The following RIC1 variants were observed in gnomAD, a reference collection of about 807,000 sequenced individuals.
RIC1 encodes the protein guanine nucleotide exchange factor subunit RIC1.
A neutral mutation model predicts 169.0 loss-of-function variants in RIC1; 88 were observed. The ratio of observed to expected loss-of-function variants is 0.52; its 90% CI spans 0.44 to 0.62. RIC1 has a LOEUF of 0.62. Among genes scored for constraint, RIC1 ranks in the 20% least tolerant of loss-of-function variants. RIC1 has a pLI of 0.00. For synonymous variants in RIC1, 790 were observed against 601.5 expected, an observed-to-expected ratio of 1.31 and a Z score of -4.59; for missense variants, 1,877 against 1,725.5, an observed-to-expected ratio of 1.09 and a Z score of -1.56.
At chr9:5,682,472 T>C (rs1160564777) in intron 2 of RIC1, among the ~76,000 whole-genome samples, 2 of 152,230 alleles carry the variant, frequency 1.3e-5, no homozygotes, top group African/African-American at 4.8e-5. Context: ...TCTTTAAGAA[T>C]GTTGAATATT....
chr9:5,645,672 C>T (rs925262404), intron 1 of RIC1, among the ~76,000 whole-genome samples: 6 of 152,192 alleles, frequency 3.9e-5, no homozygotes, highest in African/African-American at 1.4e-4. Context: ...TTGTGATTGA[C>T]TTATTGCACT....
chr9:5,638,143 C>T (rs1218106061), intron 1 of RIC1, among the ~76,000 whole-genome samples: 1 of 152,132 alleles, frequency 6.6e-6, no homozygotes, highest in African/African-American at 2.4e-5. Flanking sequence ...TATGATGTAT[C>T]ACATTGATTG....
At chr9:5,640,488 C>T (rs746869329) in intron 1 of RIC1, among the ~76,000 whole-genome samples, 2 of 152,034 alleles carry the variant, frequency 1.3e-5, no homozygotes, top group East Asian at 1.9e-4. Flanking sequence ...GAAAAGTTGT[C>T]GTTATTCTTT....
chr9:5,673,165 CT>C (rs1820211812), intron 2 of RIC1, among the ~76,000 whole-genome samples: 1 of 151,952 alleles, frequency 6.6e-6, no homozygotes, highest in African/African-American at 2.4e-5. Context: ...ATATGCAATG[CT>C]TAGGGACAAT....
chr9:5,659,434 C>A (rs1819313087), intron 2 of RIC1, among the ~76,000 whole-genome samples: 1 of 152,150 alleles, frequency 6.6e-6, no homozygotes, highest in Non-Finnish European at 1.5e-5. Flanking sequence ...TTAACAGCCC[C>A]AAACATCCAT....
chr9:5,761,939 C>A (rs1185539626), intron 17 of RIC1, among the ~76,000 whole-genome samples: 1 of 152,216 alleles, frequency 6.6e-6, no homozygotes, highest in East Asian at 1.9e-4. Flanking sequence ...TCCTCAGTAA[C>A]CTATCCTGAT....
intron 3 of RIC1, among the ~76,000 whole-genome samples, chr9:5,690,263 G>T (rs937730900): frequency 4.6e-5 from 7 of 152,008 alleles, no homozygotes; most frequent in South Asian, 2.1e-4. Flanking sequence ...ATTTTCTTGG[G>T]TATTCAGAAT....
intron 17 of RIC1, among the ~76,000 whole-genome samples, chr9:5,761,456 T>C (rs966180403): frequency 4.6e-5 from 7 of 152,104 alleles, no homozygotes; most frequent in African/African-American, 1.4e-4. Flanking sequence ...GGTACAGTCG[T>C]CTCTGATTTA....
intron 1 of RIC1, among the ~76,000 whole-genome samples, chr9:5,638,770 A>G (rs1054302314): frequency 1.3e-5 from 2 of 151,846 alleles, no homozygotes; most frequent in African/African-American, 4.8e-5. Context: ...AAGCAACTTT[A>G]TGTTTCTTTG....
At chr9:5,769,798 T>C in intron 22 of RIC1, 1 of 311,132 alleles carries the variant, frequency 3.2e-6, no homozygotes, top group Admixed American at 4.6e-5. Flanking sequence ...CTTCATGTTA[T>C]CTTAAGAGCC....
chr9:5,685,302 A>C (rs1821148178), intron 2 of RIC1, among the ~76,000 whole-genome samples: 1 of 151,152 alleles, frequency 6.6e-6, no homozygotes, highest in Non-Finnish European at 1.5e-5. Flanking sequence ...GAACCAAAAA[A>C]GAGCCCGCAT....
In RIC1 at chr9:5,710,361, G is replaced by A. The variant is rs562426141; in HGVS notation, c.333-3535G>A. Among the ~76,000 whole-genome samples the A allele has an allele frequency of 2.6e-5, 4 of 152,278 alleles. No individual in the cohort carries two copies. The South Asian group carries it at 8.3e-4, about 32-fold the overall frequency. On this transcript the variant is annotated intron_variant, in intron 3 of 25. Coordinates refer to ENST00000414202, the MANE Select transcript of RIC1 (RefSeq NM_020829.4). The stretch of plus-strand genomic sequence containing the variant: ...AGTGAGATGCTAAAGTTGTCATAGT[G>A]CCTCTTTACCCTGCTTGGCTCCAGA...
chr9:5,630,330 C>T (rs1476331710), intron 1 of RIC1, among the ~76,000 whole-genome samples: 1 of 152,008 alleles, frequency 6.6e-6, no homozygotes, highest in Non-Finnish European at 1.5e-5. Flanking sequence ...TATAAAAATG[C>T]TTTTTTTCCT....
At chr9:5,668,143 C>T (rs1586911362) in intron 2 of RIC1, among the ~76,000 whole-genome samples, 1 of 152,080 alleles carries the variant, frequency 6.6e-6, no homozygotes, top group Admixed American at 6.5e-5. Flanking sequence ...ATTAAAGTAC[C>T]ATCAGATCTC....
intron 2 of RIC1, among the ~76,000 whole-genome samples, chr9:5,681,378 G>C (rs1003025814): frequency 2.6e-5 from 4 of 152,136 alleles, no homozygotes; most frequent in African/African-American, 7.2e-5. Context: ...GTTCTCGTTG[G>C]TTTCAAAGAA....
chr9:5,767,517 T>G (rs1352085105), intron 21 of RIC1, among the ~76,000 whole-genome samples: 1 of 152,188 alleles, frequency 6.6e-6, no homozygotes, highest in Non-Finnish European at 1.5e-5. Flanking sequence ...GAACATATGT[T>G]TATATTCTTA....
intron 8 of RIC1, among the ~76,000 whole-genome samples, chr9:5,740,369 C>G (rs1182514176): frequency 6.6e-6 from 1 of 152,072 alleles, no homozygotes; most frequent in East Asian, 1.9e-4. Context: ...AATGAAGGAA[C>G]TCCATCCTTA....
At chr9:5,709,823 A>G (rs938114000) in intron 3 of RIC1, among the ~76,000 whole-genome samples, 5 of 152,192 alleles carry the variant, frequency 3.3e-5, no homozygotes, top group East Asian at 1.9e-4. Flanking sequence ...TTCCTGCGAG[A>G]TGTATCTCTA....
intron 1 of RIC1, among the ~76,000 whole-genome samples, chr9:5,643,986 AC>A (rs1490146977): frequency 6.6e-6 from 1 of 152,178 alleles, no homozygotes; most frequent in Non-Finnish European, 1.5e-5. Context: ...CAAGTAGTTT[AC>A]CTTATTTCAA....
Sources: gnomAD v4.1 joint callset for allele counts (sites outside exome capture counted in the v4.1 genomes callset) on GRCh38, gnomAD v4.1.1 for gene constraint, MANE v1.5 for transcripts, NCBI Gene and HGNC (gene_info 2026-07-23, HGNC 2026-07-21) for gene names.